The following ABLIM3 variants were observed in gnomAD, a reference collection of about 807,000 sequenced individuals.
ABLIM3 encodes the protein actin-binding LIM protein 3.
In ABLIM3, 61 loss-of-function variants were observed where a neutral mutation model predicts 109.5. The ratio of observed to expected loss-of-function variants is 0.56; its 90% CI spans 0.45 to 0.69. The LOEUF (loss-of-function observed/expected upper bound fraction) is 0.69. Ranked by LOEUF, ABLIM3 falls within the 30% of genes least tolerant of loss-of-function variation. The probability of loss-of-function intolerance (pLI) is 0.00; values close to 1 mark genes in which losing one functional copy is unlikely to be tolerated. For synonymous variants in ABLIM3, 300 were observed against 324.8 expected, an observed-to-expected ratio of 0.92 and a Z score of 0.82; for missense variants, 796 against 889.5, an observed-to-expected ratio of 0.89 and a Z score of 1.34.
chr5:149,258,576 T>G lies in ABLIM3; in HGVS notation c.*172T>G. 2 of 1,374,948 alleles carry G rather than the reference T, an allele frequency of 1.5e-6. No individual in the cohort carries two copies. The highest frequency in any genetic ancestry group is 9.4e-7 in the Non-Finnish European group (1 of 1,069,398). 85.2% of individuals were successfully genotyped at this position (1,374,948 alleles called of 1,614,324 possible). A position where few individuals can be genotyped will look rare whatever the true frequency, so the allele number is the denominator to read the frequency against. Reference sequence around the variant, plus strand: ...ATCGAGATATTTTTATGCTCCTTACTTTCTCTTTTCTAAGTGCTGTGGGAT... The same window carrying G: ...ATCGAGATATTTTTATGCTCCTTACGTTCTCTTTTCTAAGTGCTGTGGGAT... On this transcript the variant is annotated 3_prime_UTR_variant, in exon 24 of 24. Transcript: ENST00000309868.
intron 2 of ABLIM3, among the ~76,000 whole-genome samples, chr5:149,163,203 T>C (rs1754535553): frequency 6.6e-6 from 1 of 152,124 alleles, no homozygotes. Flanking sequence ...TGTATCCCCC[T>C]GGCTACTGTG....
In ABLIM3 at chr5:149,237,349, G is replaced by C. The variant is rs907409297; in HGVS notation, c.889-99G>C. 5 of 1,247,044 alleles carry C rather than the reference G, an allele frequency of 4.0e-6. No individual in the cohort carries two copies. In the African/African-American group the frequency reaches 7.5e-5, roughly 19 times the overall value. The allele number at this position is 1,247,044 out of a possible 1,614,324, so 77.2% of individuals were successfully genotyped here. ...TAATCTGTTTGTGGTGGAAACTGGA[G>C]AAGTTTGTTCCTTCTGTATCTTGTT... On this transcript the variant is annotated intron_variant, in intron 10 of 23. Transcript: ENST00000309868.
intron 23 of ABLIM3, among the ~76,000 whole-genome samples, chr5:149,257,299 CA>C (rs11458045): frequency 0.017 from 2,379 of 136,126 alleles, 27 homozygotes; most frequent in Middle Eastern, 0.031. Context: ...AACTCTGTCT[CA>C]AAAAAAAAAA....
At chr5:149,201,962 G>A (rs552386313) in intron 5 of ABLIM3, among the ~76,000 whole-genome samples, 13 of 152,348 alleles carry the variant, frequency 8.5e-5, no homozygotes, top group South Asian at 4.1e-4. Context: ...TCACAGGAGC[G>A]TTGGGGAAAG....
chr5:149,233,159 C>G (rs1762025634), intron 9 of ABLIM3, 70 bp from the exon 10 acceptor site: 2 of 1,368,974 alleles, frequency 1.5e-6, no homozygotes, highest in South Asian at 1.2e-5. Flanking sequence ...ATTCTTAACC[C>G]CCTGTCTCAC....
intron 2 of ABLIM3, among the ~76,000 whole-genome samples, chr5:149,173,256 G>A (rs903809737): frequency 1.3e-5 from 2 of 152,204 alleles, no homozygotes; most frequent in Non-Finnish European, 1.5e-5. Context: ...GCCATCAGTG[G>A]GTAGTCCCGT....
intron 2 of ABLIM3, among the ~76,000 whole-genome samples, chr5:149,166,074 T>A (rs1391314690): frequency 6.6e-6 from 1 of 152,200 alleles, no homozygotes; most frequent in East Asian, 1.9e-4. Flanking sequence ...ATTCTTTTCG[T>A]TTATTTTTTA....
At chr5:149,190,451 G>C (rs371861206) in intron 3 of ABLIM3, among the ~76,000 whole-genome samples, 1 of 152,122 alleles carries the variant, frequency 6.6e-6, no homozygotes, top group Non-Finnish European at 1.5e-5. Context: ...AGGCCGAGGC[G>C]GGTGGATCAC....
chr5:149,260,363 T>C lies in ABLIM3; in HGVS notation c.*1959T>C, dbSNP rs1754797929. On this transcript the variant is annotated 3_prime_UTR_variant, in exon 24 of 24. Coordinates refer to ENST00000309868, the MANE Select transcript of ABLIM3 (RefSeq NM_014945.5). ...GCCTTATTGTCACTGGTTAAGAACTTGGCGAGATTGAAGGGCTTTTGTTAT... is the reference window on the plus strand; with the variant it reads ...GCCTTATTGTCACTGGTTAAGAACTCGGCGAGATTGAAGGGCTTTTGTTAT... The C allele has an allele frequency of 1.3e-5, 2 of 152,626 alleles. No homozygotes were observed. The highest frequency in any genetic ancestry group is 1.3e-4 in the Admixed American group (2 of 15,278). The allele number at this position is 152,626 out of a possible 1,614,324, so 9.5% of individuals were successfully genotyped here. A position where few individuals can be genotyped will look rare whatever the true frequency, so the allele number is the denominator to read the frequency against.
At chr5:149,250,368 C>A in intron 19 of ABLIM3, 79 bp from the exon 20 acceptor site, 2 of 1,452,386 alleles carry the variant, frequency 1.4e-6, no homozygotes, top group Non-Finnish European at 1.9e-6. Context: ...CAGTGTTGGC[C>A]ATTGGTAGCC....
At chr5:149,182,400 G>C (rs1756547057) in intron 2 of ABLIM3, among the ~76,000 whole-genome samples, 1 of 152,146 alleles carries the variant, frequency 6.6e-6, no homozygotes, top group East Asian at 1.9e-4. Flanking sequence ...TCTCTCCCCA[G>C]TGCCACAGGG....
In ABLIM3 at chr5:149,168,266, C is replaced by T. The variant is rs570697405; in HGVS notation, c.14-15186C>T. 7.5e-4 allele frequency among the ~76,000 whole-genome samples: 114 copies of T among 152,268 alleles called. 5 individuals carry two copies. The South Asian group carries it at 0.023, about 30-fold the overall frequency. On this transcript the variant is annotated intron_variant, in intron 2 of 23. Coordinates refer to ENST00000309868, the MANE Select transcript of ABLIM3 (RefSeq NM_014945.5). ...GAAGAGATGAAGACAGTAGGCTGAG[C>T]TCAAGCGCTCTGTAAGGGACTGGTC...
intron 2 of ABLIM3, among the ~76,000 whole-genome samples, chr5:149,172,772 C>A (rs373336375): frequency 1.3e-5 from 2 of 152,152 alleles, no homozygotes; most frequent in African/African-American, 4.8e-5. Flanking sequence ...TCAATTTTTC[C>A]ATTTACATTA....
intron 2 of ABLIM3, among the ~76,000 whole-genome samples, chr5:149,147,221 G>A (rs903993114): frequency 1.3e-5 from 2 of 151,924 alleles, no homozygotes; most frequent in Non-Finnish European, 2.9e-5. Context: ...ACTAATTTTT[G>A]TACATTAATT....
intron 8 of ABLIM3, among the ~76,000 whole-genome samples, chr5:149,226,750 T>C (rs544452064): frequency 1.3e-5 from 2 of 152,204 alleles, no homozygotes; most frequent in East Asian, 3.9e-4. Context: ...AAGACTATGA[T>C]ACCAACTCCA....
chr5:149,145,905 C>A (rs920736788), intron 2 of ABLIM3, among the ~76,000 whole-genome samples: 1 of 152,110 alleles, frequency 6.6e-6, no homozygotes, highest in Non-Finnish European at 1.5e-5. Flanking sequence ...CCCACCTCAG[C>A]CTCCTGAGTA....
At chr5:149,141,842 C>T (rs934495869) in intron 1 of ABLIM3, 167 bp from the exon 2 acceptor site, 1 of 561,766 alleles carries the variant, frequency 1.8e-6, no homozygotes, top group Middle Eastern at 4.9e-4. Flanking sequence ...GCAGGAGGAC[C>T]GGGGCGCCGG....
At chr5:149,157,607 A>G (rs1238696899) in intron 2 of ABLIM3, among the ~76,000 whole-genome samples, 1 of 147,582 alleles carries the variant, frequency 6.8e-6, no homozygotes, top group East Asian at 2.0e-4. Flanking sequence ...CATCAGTGGA[A>G]ATTAAACCCA....
chr5:149,164,093 A>T (rs1014039732), intron 2 of ABLIM3: 1 of 152,166 alleles, frequency 6.6e-6, no homozygotes, highest in Non-Finnish European at 1.5e-5. Context: ...TTGCATAACC[A>T]TTTGACGGGT....
Sources: gnomAD v4.1 joint callset for allele counts (sites outside exome capture counted in the v4.1 genomes callset) on GRCh38, gnomAD v4.1.1 for gene constraint, MANE v1.5 for transcripts, NCBI Gene and HGNC (gene_info 2026-07-23, HGNC 2026-07-21) for gene names.